The following ZNF804B variants were observed in gnomAD, a reference collection of about 807,000 sequenced individuals.
ZNF804B encodes zinc finger 804B.
ZNF804B carries 80 observed loss-of-function variants against 101.4 expected under a neutral mutation model. The ratio of observed to expected loss-of-function variants is 0.79; its 90% confidence interval spans 0.66 to 0.95. The LOEUF (loss-of-function observed/expected upper bound fraction) is 0.95. ZNF804B is among the 40% of genes least tolerant of loss of function. ZNF804B has a pLI of 0.00. For synonymous variants in ZNF804B, 622 were observed against 558.8 expected (o/e 1.11, Z -1.59); for missense variants, 1,673 against 1,561.9 (o/e 1.07, Z -1.20).
chr7:88,802,656 A>G (rs1000278085), intron 1 of ZNF804B, among the ~76,000 whole-genome samples: 2 of 152,042 alleles, frequency 1.3e-5, no homozygotes, highest in African/African-American at 4.8e-5. Context: ...AATTTTTCGT[A>G]ATTTTTTTAA....
chr7:89,163,493 A>G (rs1472154537), intron 1 of ZNF804B, among the ~76,000 whole-genome samples: 2 of 152,086 alleles, frequency 1.3e-5, no homozygotes, highest in African/African-American at 4.8e-5. Flanking sequence ...GCCAAATGCA[A>G]TGGCTTATTA....
rs372436796 is a variant in ZNF804B, at chr7:88,967,421, A to C, written c.108+207337A>C. ...CCCCATGATCCAATCATGTCCTACC[A>C]GGTCCTTCCCCCAACACTGGGAATT... On this transcript the variant is annotated intron_variant, in intron 1 of 3. Coordinates refer to ENST00000333190, the MANE Select transcript of ZNF804B (RefSeq NM_181646.5). 7.3e-5 allele frequency among the ~76,000 whole-genome samples: 11 copies of C among 151,566 alleles called. 1 individual carries two copies. The East Asian group carries it at 1.2e-3, about 16-fold the overall frequency.
At chr7:89,304,780 A>G (rs968821686) in intron 2 of ZNF804B, among the ~76,000 whole-genome samples, 4 of 151,938 alleles carry the variant, frequency 2.6e-5, no homozygotes, top group Non-Finnish European at 5.9e-5. Flanking sequence ...CAGACCTCCC[A>G]TCTAAGTCCA....
At chr7:89,081,804 A>G (rs1486495506) in intron 1 of ZNF804B, among the ~76,000 whole-genome samples, 2 of 151,708 alleles carry the variant, frequency 1.3e-5, no homozygotes, top group Admixed American at 6.6e-5. Flanking sequence ...CATGTTGTCA[A>G]TGACCTATGA....
At chr7:89,003,841 A>T (rs1299289525) in intron 1 of ZNF804B, among the ~76,000 whole-genome samples, 1 of 151,922 alleles carries the variant, frequency 6.6e-6, no homozygotes, top group Admixed American at 6.6e-5. Context: ...GTGAAAACCC[A>T]TGCCTTTATG....
At chr7:89,313,764 A>G (rs1466507722) in intron 2 of ZNF804B, among the ~76,000 whole-genome samples, 1 of 152,190 alleles carries the variant, frequency 6.6e-6, no homozygotes, top group Non-Finnish European at 1.5e-5. Flanking sequence ...GCTGAGAGAA[A>G]ATCAAATGCA....
At chr7:89,062,288 A>G (rs1789392857) in intron 1 of ZNF804B, among the ~76,000 whole-genome samples, 2 of 152,062 alleles carry the variant, frequency 1.3e-5, no homozygotes, top group South Asian at 4.1e-4. Context: ...CACCCCTGTA[A>G]TTACTTCATC....
intron 1 of ZNF804B, among the ~76,000 whole-genome samples, chr7:88,938,608 T>A (rs970670564): frequency 7.2e-5 from 11 of 152,004 alleles, no homozygotes; most frequent in African/African-American, 2.7e-4. Context: ...TAGATAGGAA[T>A]TTGGGCAAGA....
intron 1 of ZNF804B, among the ~76,000 whole-genome samples, chr7:89,095,483 T>C (rs1789958836): frequency 6.6e-6 from 1 of 152,238 alleles, no homozygotes; most frequent in Non-Finnish European, 1.5e-5. Context: ...AATGAGAGCA[T>C]ACATTGATAA....
At chr7:88,968,360 T>G (rs1050568898) in intron 1 of ZNF804B, among the ~76,000 whole-genome samples, 8 of 151,648 alleles carry the variant, frequency 5.3e-5, no homozygotes, top group African/African-American at 1.9e-4. Context: ...ATCATCTTTT[T>G]CTGATTGTAT....
At chr7:88,877,008 A>ATATATATATATAT (rs1791951213) in intron 1 of ZNF804B, among the ~76,000 whole-genome samples, 1 of 71,238 alleles carries the variant, frequency 1.4e-5, no homozygotes, top group African/African-American at 1.1e-4. Context: ...GAAAAAAAAA[A>ATATATATATATAT]TATATATATA....
At chr7:89,259,535 T>A (rs1006767600) in intron 2 of ZNF804B, among the ~76,000 whole-genome samples, 4 of 152,216 alleles carry the variant, frequency 2.6e-5, no homozygotes, top group African/African-American at 9.6e-5. Flanking sequence ...GTATTCTCTA[T>A]CAGGGTTCTC....
intron 2 of ZNF804B, among the ~76,000 whole-genome samples, chr7:89,281,668 A>T (rs1790097022): frequency 6.6e-6 from 1 of 152,178 alleles, no homozygotes; most frequent in East Asian, 1.9e-4. Flanking sequence ...AATCAAAATG[A>T]AATAAATATC....
chr7:89,231,944 A>G (rs1353738494), intron 2 of ZNF804B, among the ~76,000 whole-genome samples: 1 of 152,116 alleles, frequency 6.6e-6, no homozygotes, highest in Non-Finnish European at 1.5e-5. Context: ...TCTTGCACAG[A>G]ATTCCAATGT....
intron 1 of ZNF804B, among the ~76,000 whole-genome samples, chr7:88,811,187 A>C (rs889631868): frequency 6.6e-6 from 1 of 152,190 alleles, no homozygotes; most frequent in African/African-American, 2.4e-5. Flanking sequence ...CATTACATCA[A>C]AGTGTTGCAC....
In ZNF804B at chr7:89,337,419, G is replaced by C. The variant is rs530806699; in HGVS notation, c.*387G>C. 6.6e-6 allele frequency among the ~76,000 whole-genome samples: 1 copy of C among 152,218 alleles called. No individual in the cohort carries two copies. The highest frequency in any genetic ancestry group is 1.9e-4 in the East Asian group (1 of 5,174). On this transcript the variant is annotated 3_prime_UTR_variant, in exon 4 of 4. Transcript: ENST00000333190. ...CTAAGTATTTGTTGTGTGAATGAAT[G>C]AGTGTTGATTTGGCTTATTTGTTAG... is the stretch of plus-strand genomic sequence containing the variant.
intron 1 of ZNF804B, among the ~76,000 whole-genome samples, chr7:89,211,657 T>C (rs1465716489): frequency 1.3e-5 from 2 of 152,098 alleles, no homozygotes; most frequent in Non-Finnish European, 2.9e-5. Flanking sequence ...TGGTTGTAGA[T>C]TTGTGGTCTT....
At position 89,280,623 on chromosome 7, in the gene ZNF804B, A is replaced by T. The variant is rs528602133; in HGVS notation, c.250-46721A>T. Among the ~76,000 whole-genome samples, 3 of 152,344 alleles carry T rather than the reference A, an allele frequency of 2.0e-5. No homozygotes were observed. The South Asian group carries it at 6.2e-4, about 32-fold the overall frequency. ...AAACTACCATCAGATAATTCTACAAACACCTCTATGCAAATAAACTAGAAA... is the reference window on the plus strand; with the variant it reads ...AAACTACCATCAGATAATTCTACAATCACCTCTATGCAAATAAACTAGAAA... On this transcript the variant is annotated intron_variant, in intron 2 of 3. Transcript: ENST00000333190.
intron 1 of ZNF804B, among the ~76,000 whole-genome samples, chr7:88,924,431 T>A (rs1792766362): frequency 1.3e-5 from 2 of 152,176 alleles, no homozygotes; most frequent in Admixed American, 1.3e-4. Context: ...AATGTATAGA[T>A]GTTCTTTTAT....
Sources: allele counts gnomAD v4.1 joint callset (sites outside exome capture counted in the v4.1 genomes callset), GRCh38; gene constraint gnomAD v4.1.1; transcripts MANE v1.5; gene names NCBI Gene and HGNC (gene_info 2026-07-23, HGNC 2026-07-21).